Variants in DLG2 observed in about 807,000 individuals in gnomAD.
DLG2 encodes the protein disks large homolog 2.
In DLG2, 45 loss-of-function variants were observed where a neutral mutation model predicts 132.5. The ratio of observed to expected loss-of-function variants is 0.34; its 90% CI spans 0.27 to 0.44. DLG2 has a LOEUF of 0.44. Ranked by LOEUF, DLG2 falls within the 20% of genes least tolerant of loss-of-function variation. DLG2 has a pLI of 1.00. For synonymous variants in DLG2, 424 were observed against 419.6 expected (o/e 1.01, Z -0.13); for missense variants, 1,045 against 1,196.9 (o/e 0.87, Z 1.87).
chr11:83,752,135 G>T (rs1362140157), intron 18 of DLG2, among the ~76,000 whole-genome samples: 2 of 152,170 alleles, frequency 1.3e-5, no homozygotes, highest in African/African-American at 4.8e-5. Flanking sequence ...GGGCATGGTG[G>T]TGGGCTCCTG....
intron 7 of DLG2, among the ~76,000 whole-genome samples, chr11:84,290,640 T>C (rs1230234043): frequency 1.3e-5 from 2 of 152,138 alleles, no homozygotes; most frequent in South Asian, 2.1e-4. Context: ...CCCTGTGATA[T>C]AGGCATTGTA....
chr11:85,356,693 C>T lies in DLG2; in HGVS notation c.41-71328G>A, dbSNP rs537555817. ...ATTTACAAAAGAGGTAGAATTCTTG[C>T]TTTTCAGTGTATGAGCTCCAAGAGG... On this transcript the variant is annotated intron_variant, in intron 3 of 27. Coordinates refer to ENST00000376104, the MANE Select transcript of DLG2 (RefSeq NM_001142699.3). Among the ~76,000 whole-genome samples the T allele has an allele frequency of 1.2e-4, 18 of 152,158 alleles. No individual in the cohort carries two copies. In the South Asian group the frequency reaches 3.7e-3, roughly 32 times the overall value.
chr11:85,504,105 G>C (rs1315231382), intron 3 of DLG2, among the ~76,000 whole-genome samples: 2 of 152,164 alleles, frequency 1.3e-5, no homozygotes, highest in African/African-American at 2.4e-5. Context: ...GTAGATTCTG[G>C]ATATTAGCTC....
chr11:84,214,757 T>G (rs2096813052), intron 8 of DLG2, among the ~76,000 whole-genome samples: 2 of 152,274 alleles, frequency 1.3e-5, no homozygotes, highest in Non-Finnish European at 2.9e-5. Context: ...ATTAACCAAC[T>G]GTCTGGAATT....
chr11:85,398,859 T>C (rs2087710480), intron 3 of DLG2, among the ~76,000 whole-genome samples: 2 of 152,272 alleles, frequency 1.3e-5, no homozygotes, highest in Admixed American at 6.5e-5. Context: ...AAAGAGGAGC[T>C]GCTACCATTG....
chr11:85,315,710 A>G (rs1243241139), intron 3 of DLG2, among the ~76,000 whole-genome samples: 2 of 152,004 alleles, frequency 1.3e-5, no homozygotes, highest in African/African-American at 4.8e-5. Flanking sequence ...TGTTTTCTCA[A>G]ACTGCCTATT....
At chr11:83,760,797 C>T (rs1353010747) in intron 18 of DLG2, among the ~76,000 whole-genome samples, 3 of 152,216 alleles carry the variant, frequency 2.0e-5, no homozygotes, top group South Asian at 2.1e-4. Context: ...TTCAACACCA[C>T]GGTCCCTTGC....
chr11:84,398,575 A>G (rs1284151192), intron 7 of DLG2, among the ~76,000 whole-genome samples: 1 of 152,206 alleles, frequency 6.6e-6, no homozygotes, highest in East Asian at 1.9e-4. Context: ...TGCAATATTC[A>G]TTTCCTTATT....
intron 3 of DLG2, among the ~76,000 whole-genome samples, chr11:85,404,554 C>T (rs2088526717): frequency 1.3e-5 from 2 of 151,798 alleles, no homozygotes; most frequent in South Asian, 4.1e-4. Flanking sequence ...GAGACACTTG[C>T]AAAACTGTTG....
chr11:84,103,398 G>C (rs1485429514), intron 9 of DLG2, among the ~76,000 whole-genome samples: 1 of 152,092 alleles, frequency 6.6e-6, no homozygotes, highest in Non-Finnish European at 1.5e-5. Flanking sequence ...ATGTGAACAG[G>C]CAGACCCCTG....
At chr11:83,903,720 C>T (rs2074046997) in intron 15 of DLG2, among the ~76,000 whole-genome samples, 1 of 152,148 alleles carries the variant, frequency 6.6e-6, no homozygotes, top group Non-Finnish European at 1.5e-5. Flanking sequence ...CAATTCACAT[C>T]TTAAAATAAG....
intron 7 of DLG2, among the ~76,000 whole-genome samples, chr11:84,511,146 A>G (rs919312261): frequency 1.3e-5 from 2 of 152,106 alleles, no homozygotes; most frequent in Non-Finnish European, 1.5e-5. Flanking sequence ...TGGGAAAATG[A>G]TAATGCATAA....
chr11:84,416,259 T>G (rs939534823), intron 7 of DLG2, among the ~76,000 whole-genome samples: 1 of 152,200 alleles, frequency 6.6e-6, no homozygotes, highest in African/African-American at 2.4e-5. Context: ...GAGACTAACA[T>G]TCAATGCTTC....
chr11:84,878,118 T>G (rs907163065), intron 6 of DLG2, among the ~76,000 whole-genome samples: 42 of 152,090 alleles, frequency 2.8e-4, no homozygotes, highest in African/African-American at 9.7e-4. Flanking sequence ...TTTGCGGGAG[T>G]GCAAATTAGT....
intron 11 of DLG2, among the ~76,000 whole-genome samples, chr11:83,990,791 A>T (rs2093663270): frequency 6.6e-6 from 1 of 152,154 alleles, no homozygotes; most frequent in African/African-American, 2.4e-5. Flanking sequence ...GTCCTGTCAG[A>T]GTTTATTTAG....
At chr11:84,016,123 C>A (rs183390883) in intron 11 of DLG2, among the ~76,000 whole-genome samples, 40 of 152,192 alleles carry the variant, frequency 2.6e-4, no homozygotes, top group Middle Eastern at 3.4e-3. Flanking sequence ...TTGCGTTTCT[C>A]TAATGATCAG....
intron 3 of DLG2, among the ~76,000 whole-genome samples, chr11:85,500,476 G>A (rs1404298499): frequency 7.0e-6 from 1 of 143,804 alleles, no homozygotes; most frequent in East Asian, 2.0e-4. Context: ...CACCAGCATG[G>A]CACATGTATA....
intron 3 of DLG2, among the ~76,000 whole-genome samples, chr11:85,462,763 G>A (rs1214728762): frequency 2.6e-5 from 4 of 151,622 alleles, no homozygotes; most frequent in Non-Finnish European, 5.9e-5. Flanking sequence ...TAACAAACGT[G>A]CACGTTTTGC....
At chr11:85,193,022 A>G (rs1328543699) in intron 4 of DLG2, among the ~76,000 whole-genome samples, 1 of 152,196 alleles carries the variant, frequency 6.6e-6, no homozygotes, top group African/African-American at 2.4e-5. Context: ...TTATCCTTAT[A>G]TAATTCCAGA....
Sources: allele counts gnomAD v4.1 joint callset (sites outside exome capture counted in the v4.1 genomes callset), GRCh38; gene constraint gnomAD v4.1.1; transcripts MANE v1.5; gene names NCBI Gene and HGNC (gene_info 2026-07-23, HGNC 2026-07-21).